The following ABCA10 variants were observed in gnomAD, a reference collection of about 807,000 sequenced individuals.
ABCA10 encodes the protein ATP binding cassette subfamily A member 10.
In ABCA10, 169 loss-of-function variants were observed where a neutral mutation model predicts 187.5. The observed-to-expected ratio is 0.90, with a 90% confidence interval of 0.80 to 1.02. ABCA10 has a LOEUF of 1.02. Ranked by LOEUF, ABCA10 falls within the 50% of genes least tolerant of loss-of-function variation. The pLI is 0.00. For synonymous variants in ABCA10, 574 were observed against 601.8 expected (o/e 0.95, Z 0.68); for missense variants, 1,727 against 1,812.4 (o/e 0.95, Z 0.86).
At chr17:69,196,930 G>C in intron 11 of ABCA10, 134 bp downstream of exon 11, 1 of 640,110 alleles carries the variant, frequency 1.6e-6, no homozygotes, top group Admixed American at 2.9e-5. Context: ...AGGAGAATCA[G>C]GCAGGGAGGT....
In ABCA10 at chr17:69,202,978, G is replaced by C. The variant is rs184278873; in HGVS notation, c.1007-1310C>G. 7.2e-5 allele frequency among the ~76,000 whole-genome samples: 11 copies of C among 152,266 alleles called. No individual in the cohort carries two copies. The East Asian group carries it at 2.1e-3, about 29-fold the overall frequency. On this transcript the variant is annotated intron_variant, in intron 9 of 38. Transcript: ENST00000690296. ...TAATATTTCACTGCAAGCTGTTACT[G>C]AAAGCTAATATAATGTAGGGGGATG... is the stretch of plus-strand genomic sequence containing the variant.
intron 17 of ABCA10, 72 bp downstream of exon 17, chr17:69,191,104 G>C: frequency 7.7e-7 from 1 of 1,299,696 alleles, no homozygotes; most frequent in Non-Finnish European, 1.0e-6. Context: ...TCGATTCATA[G>C]AACAACAGAA....
chr17:69,195,142 A>C (rs1341267951), intron 11 of ABCA10, among the ~76,000 whole-genome samples: 1 of 152,186 alleles, frequency 6.6e-6, no homozygotes, highest in Admixed American at 6.5e-5. Flanking sequence ...GAAAATAAGA[A>C]TTCAGTTAGC....
chr17:69,237,842 C>G (rs982601767), intron 1 of ABCA10, among the ~76,000 whole-genome samples: 2 of 152,058 alleles, frequency 1.3e-5, no homozygotes, highest in Non-Finnish European at 2.9e-5. Flanking sequence ...TGGAGATAAG[C>G]ATCTGCAAGC....
Position 69,214,716 on chromosome 17 carries a change from G to C in ABCA10, c.994C>G (p.Arg332Gly), listed in dbSNP as rs200246933. The change falls in exon 9 of 39, where the codon CGA (arginine) becomes GGA (glycine). Residue 332 changes from arginine (R) to glycine (G), a missense_variant. Transcript: ENST00000690296. ...ACTATTAACTTACCAGGTAAAACTC[G>C]CTCAAAATATAATGTGAATATCAAA... ...FYLIFTLYFERVLPDKDGHGD... is the reference protein window; with the variant it reads ...FYLIFTLYFEGVLPDKDGHGD... 2 of 1,503,424 alleles carry C rather than the reference G, an allele frequency of 1.3e-6. No individual in the cohort carries two copies. Among genetic ancestry groups the C allele is most frequent in the African/African-American group, 1.5e-5 (1 of 67,706 alleles). 93.1% of individuals were successfully genotyped at this position (1,503,424 alleles called of 1,614,324 possible).
chr17:69,224,409 G>A (rs1186754199), intron 3 of ABCA10, among the ~76,000 whole-genome samples: 1 of 152,112 alleles, frequency 6.6e-6, no homozygotes, highest in Non-Finnish European at 1.5e-5. Flanking sequence ...TTTGATAGTA[G>A]GCTAAGATTG....
intron 18 of ABCA10, among the ~76,000 whole-genome samples, chr17:69,190,118 T>G (rs1353691131): frequency 2.0e-5 from 3 of 152,128 alleles, no homozygotes; most frequent in Non-Finnish European, 4.4e-5. Flanking sequence ...GTCACTGACA[T>G]GGGAAGCAGA....
exon 1 of ABCA10, chr17:69,244,576 T>C (rs1367086572): frequency 6.6e-6 from 1 of 151,818 alleles, no homozygotes; most frequent in African/African-American, 2.4e-5. Flanking sequence ...GAATAAATTC[T>C]TTCATTTTAG....
In ABCA10 at chr17:69,182,795, T is replaced by C; in HGVS notation, c.2511A>G (p.Glu837=). ...LIVNNTGSNI[E]DLVHSLKCQD... ...GACACTTCAGTGAATGCACGAGGTC[T>C]TCAATATTTGATCCTAACATAGTGG... Residue 837 remains glutamate (E), a synonymous_variant, in exon 21 of 39, where the codon GAA becomes GAG. Transcript: ENST00000690296. 1 of 1,604,368 alleles carries C rather than the reference T, an allele frequency of 6.2e-7. No homozygotes were observed. The highest frequency in any genetic ancestry group is 8.5e-7 in the Non-Finnish European group (1 of 1,176,102).
chr17:69,166,837 A>G (rs2074257878), intron 25 of ABCA10, among the ~76,000 whole-genome samples: 1 of 152,142 alleles, frequency 6.6e-6, no homozygotes, highest in Admixed American at 6.6e-5. Context: ...TGCCCTCCCT[A>G]TTCTGGGGGG....
chr17:69,242,909 G>A (rs1459564304), intron 1 of ABCA10, among the ~76,000 whole-genome samples: 6 of 152,110 alleles, frequency 3.9e-5, no homozygotes, highest in Non-Finnish European at 7.4e-5. Context: ...AACTTAGATT[G>A]GGTTAACTCA....
intron 22 of ABCA10, among the ~76,000 whole-genome samples, chr17:69,180,277 C>A (rs1160446850): frequency 6.6e-6 from 1 of 152,152 alleles, no homozygotes; most frequent in African/African-American, 2.4e-5. Context: ...TCTACCCACT[C>A]ATTCATCCAT....
chr17:69,151,201 A>T (rs1234981471), intron 36 of ABCA10, among the ~76,000 whole-genome samples: 1 of 152,144 alleles, frequency 6.6e-6, no homozygotes, highest in Admixed American at 6.6e-5. Context: ...CATTTGTAGA[A>T]TTCATTCTTG....
At chr17:69,159,013 T>TA (rs2074195459) in intron 27 of ABCA10, among the ~76,000 whole-genome samples, 1 of 151,858 alleles carries the variant, frequency 6.6e-6, no homozygotes, top group African/African-American at 2.4e-5. Flanking sequence ...AGTCTATATC[T>TA]AAAAACAAAT....
At chr17:69,156,982 G>C (rs767106372) in intron 27 of ABCA10, 59 bp from the exon 28 acceptor site, 1 of 1,014,860 alleles carries the variant, frequency 9.9e-7, no homozygotes, top group Non-Finnish European at 1.4e-6. Context: ...ACTCAATGGT[G>C]AATATTTGTC....
At chr17:69,182,007 G>T in intron 22 of ABCA10, 146 bp downstream of exon 22, 1 of 694,500 alleles carries the variant, frequency 1.4e-6, no homozygotes, top group Non-Finnish European at 2.1e-6. Context: ...CTACTTTGCA[G>T]ATGAAGACAC....
chr17:69,168,730 T>C (rs2074273202), intron 25 of ABCA10, among the ~76,000 whole-genome samples: 1 of 152,188 alleles, frequency 6.6e-6, no homozygotes, highest in Non-Finnish European at 1.5e-5. Flanking sequence ...ATGACTGAGT[T>C]ATGATGGCAG....
intron 11 of ABCA10, among the ~76,000 whole-genome samples, chr17:69,195,380 A>G (rs1284513998): frequency 3.3e-5 from 5 of 151,758 alleles, no homozygotes; most frequent in Admixed American, 6.6e-5. Context: ...TTATATATAA[A>G]TGTATATATA....
intron 27 of ABCA10, among the ~76,000 whole-genome samples, chr17:69,159,813 G>A (rs544195360): frequency 6.6e-6 from 1 of 152,122 alleles, no homozygotes; most frequent in African/African-American, 2.4e-5. Flanking sequence ...ATAGACCAAT[G>A]GAATAGAATA....
Sources: gnomAD v4.1 joint callset for allele counts (sites outside exome capture counted in the v4.1 genomes callset) on GRCh38, gnomAD v4.1.1 for gene constraint, MANE v1.5 for transcripts, NCBI Gene and HGNC (gene_info 2026-07-23, HGNC 2026-07-21) for gene names.